Variants in ABHD12 observed in about 807,000 individuals in gnomAD.
ABHD12 encodes lysophosphatidylserine lipase ABHD12.
A neutral mutation model predicts 58.3 loss-of-function variants in ABHD12; 43 were observed. The observed-to-expected ratio is 0.74, with a 90% CI of 0.58 to 0.95. The LOEUF (loss-of-function observed/expected upper bound fraction) is 0.95. Ranked by LOEUF, ABHD12 falls within the 40% of genes least tolerant of loss-of-function variation. The probability of loss-of-function intolerance (pLI) is 0.00; values close to 1 mark genes in which losing one functional copy is unlikely to be tolerated. For synonymous variants in ABHD12, 219 were observed against 211.2 expected (o/e 1.04, Z -0.32); for missense variants, 539 against 537.2 (o/e 1.00, Z -0.03).
chr20:25,388,136 A>T (rs1196030151), intron 1 of ABHD12, among the ~76,000 whole-genome samples: 1 of 52,798 alleles, frequency 1.9e-5, no homozygotes, highest in Non-Finnish European at 3.4e-5. Flanking sequence ...AAAACTTTTA[A>T]GTGATGGACA....
chr20:25,304,180 G>GTC (rs2088692503), intron 10 of ABHD12, among the ~76,000 whole-genome samples: 1 of 152,374 alleles, frequency 6.6e-6, no homozygotes, highest in East Asian at 1.9e-4. Context: ...CCTGACCCAA[G>GTC]TCTCCTTTAT....
intron 3 of ABHD12, 46 bp downstream of exon 3, chr20:25,323,279 G>T (rs369208613): frequency 1.2e-5 from 14 of 1,205,540 alleles, no homozygotes; most frequent in Non-Finnish European, 1.7e-5. Context: ...GTCATGTAGG[G>T]TCCTTTCCTG....
chr20:25,329,097 TC>T (rs2089224549), intron 2 of ABHD12, among the ~76,000 whole-genome samples: 1 of 152,180 alleles, frequency 6.6e-6, no homozygotes, highest in Admixed American at 6.5e-5. Flanking sequence ...CCCTCTGGCC[TC>T]CCACGTGGTC....
At chr20:25,390,267 G>A (rs2146158967) in intron 1 of ABHD12, 1 of 379,672 alleles carries the variant, frequency 2.6e-6, no homozygotes, top group Non-Finnish European at 4.7e-6. Context: ...CTGGCGAGAG[G>A]GCCGGAGCAG....
intron 1 of ABHD12, among the ~76,000 whole-genome samples, chr20:25,342,718 C>T (rs2089470909): frequency 6.6e-6 from 1 of 152,130 alleles, no homozygotes; most frequent in South Asian, 2.1e-4. Context: ...CCCACCTTGG[C>T]CTCCCAAGTA....
intron 1 of ABHD12, among the ~76,000 whole-genome samples, chr20:25,388,380 C>T (rs554101409): frequency 2.8e-4 from 43 of 152,190 alleles, no homozygotes; most frequent in Non-Finnish European, 5.7e-4. Flanking sequence ...AGCTCCTGTT[C>T]TCATGGCGCT....
chr20:25,372,844 A>G (rs2089915491), intron 1 of ABHD12, among the ~76,000 whole-genome samples: 1 of 152,204 alleles, frequency 6.6e-6, no homozygotes, highest in Admixed American at 6.5e-5. Context: ...TCATGTCCTA[A>G]GCCTTCACAT....
intron 1 of ABHD12, among the ~76,000 whole-genome samples, chr20:25,345,903 T>A (rs984165560): frequency 3.9e-5 from 6 of 152,114 alleles, no homozygotes; most frequent in African/African-American, 1.4e-4. Flanking sequence ...CTACACATAT[T>A]CTTACTATAT....
At chr20:25,313,262 G>C (rs1209727291) in intron 6 of ABHD12, among the ~76,000 whole-genome samples, 12 of 151,796 alleles carry the variant, frequency 7.9e-5, no homozygotes, top group African/African-American at 2.9e-4. Context: ...GCCTTGGGAT[G>C]CTGTTGATCT....
At chr20:25,383,965 A>AG (rs2090054023) in intron 1 of ABHD12, among the ~76,000 whole-genome samples, 2 of 135,798 alleles carry the variant, frequency 1.5e-5, no homozygotes, top group Non-Finnish European at 3.2e-5. Context: ...AAAAAAAAAA[A>AG]AAAAAAAAAG....
intron 3 of ABHD12, among the ~76,000 whole-genome samples, chr20:25,322,375 A>ATTTT (rs1176187862): frequency 4.6e-5 from 2 of 43,264 alleles, no homozygotes; most frequent in Non-Finnish European, 9.1e-5. Flanking sequence ...ATATATATAT[A>ATTTT]TATATATTTT....
At chr20:25,345,367 G>C (rs1310664908) in intron 1 of ABHD12, among the ~76,000 whole-genome samples, 1 of 152,124 alleles carries the variant, frequency 6.6e-6, no homozygotes, top group Admixed American at 6.5e-5. Flanking sequence ...TTACAGGCTT[G>C]AGCCACCGCG....
rs2089752794 is a variant in ABHD12 at position 25,361,843 on chromosome 20, T to C, written c.192-22492A>G. ...GGTGGCGGGCGCCTGTAGTCCCAGCTACTCGGGAGGTTGAGGCAGGAGAAG... is the reference window on the plus strand; with the variant it reads ...GGTGGCGGGCGCCTGTAGTCCCAGCCACTCGGGAGGTTGAGGCAGGAGAAG... On this transcript the variant is annotated intron_variant, in intron 1 of 12. Coordinates refer to ENST00000339157, the MANE Select transcript of ABHD12 (RefSeq NM_001042472.3). Among the ~76,000 whole-genome samples, 3 of 151,926 alleles carry C rather than the reference T, an allele frequency of 2.0e-5. No homozygotes were observed. In the South Asian group the frequency reaches 6.2e-4, roughly 32 times the overall value.
chr20:25,366,494 G>A (rs1259107029), intron 1 of ABHD12, among the ~76,000 whole-genome samples: 4 of 152,018 alleles, frequency 2.6e-5, no homozygotes, highest in Non-Finnish European at 4.4e-5. Context: ...TCGAACTCCC[G>A]ACCTCAGTTG....
chr20:25,339,592 T>C lies in ABHD12; in HGVS notation c.192-241A>G, dbSNP rs6050544. The C allele has an allele frequency of 1.1e-5, 16 of 1,476,850 alleles. No individual in the cohort carries two copies. The Admixed American group carries it at 1.8e-4, about 17-fold the overall frequency. The allele number at this position is 1,476,850 out of a possible 1,614,324, so 91.5% of individuals were successfully genotyped here. A position where few individuals can be genotyped will look rare whatever the true frequency, so the allele number is the denominator to read the frequency against. ...GAGGAACTTTTTTTCTTGAAAGACATAGAAATAGCTAATGATTTCTTACAC... is the reference window on the plus strand; with the variant it reads ...GAGGAACTTTTTTTCTTGAAAGACACAGAAATAGCTAATGATTTCTTACAC... On this transcript the variant is annotated intron_variant, in intron 1 of 12. Transcript: ENST00000339157.
chr20:25,356,434 G>C (rs549539676), intron 1 of ABHD12, among the ~76,000 whole-genome samples: 2 of 152,260 alleles, frequency 1.3e-5, no homozygotes, highest in Non-Finnish European at 2.9e-5. Context: ...GCAGGGTGCA[G>C]GTCCCTCTGT....
chr20:25,314,270 G>A (rs1222630968), intron 6 of ABHD12, among the ~76,000 whole-genome samples: 1 of 152,152 alleles, frequency 6.6e-6, no homozygotes, highest in Non-Finnish European at 1.5e-5. Context: ...ACCATGCTCA[G>A]CCTCTCTTAA....
At chr20:25,312,578 T>A (rs1412197661) in intron 6 of ABHD12, among the ~76,000 whole-genome samples, 1 of 152,208 alleles carries the variant, frequency 6.6e-6, no homozygotes, top group African/African-American at 2.4e-5. Flanking sequence ...GTGCCGAGAT[T>A]GCAGCCTCTG....
intron 2 of ABHD12, among the ~76,000 whole-genome samples, chr20:25,329,863 G>A (rs1159301673): frequency 6.6e-6 from 1 of 152,226 alleles, no homozygotes; most frequent in Admixed American, 6.5e-5. Flanking sequence ...GAAAAGAAAG[G>A]TAACAGGAGT....
Sources: allele counts gnomAD v4.1 joint callset (sites outside exome capture counted in the v4.1 genomes callset), GRCh38; gene constraint gnomAD v4.1.1; transcripts MANE v1.5; gene names NCBI Gene and HGNC (gene_info 2026-07-23, HGNC 2026-07-21).